XKR4: variants seen among roughly 807,000 people sequenced by gnomAD.
The protein encoded by XKR4 is XK related 4.
XKR4 carries 12 observed loss-of-function variants against 53.9 expected under a neutral mutation model. The ratio of observed to expected loss-of-function variants is 0.22; its 90% CI spans 0.14 to 0.36. The LOEUF is 0.36. Among genes scored for constraint, XKR4 ranks in the 10% least tolerant of loss-of-function variants. The pLI, the probability that XKR4 is intolerant of heterozygous loss-of-function variation, is 1.00. For synonymous variants in XKR4, 354 were observed against 362.4 expected (o/e 0.98, Z 0.26); for missense variants, 799 against 859.5 (o/e 0.93, Z 0.88).
chr8:55,452,846 C>A (rs528724792), intron 2 of XKR4: 47 of 770,170 alleles, frequency 6.1e-5, no homozygotes, highest in South Asian at 4.4e-4. Flanking sequence ...GCTCCTGAAG[C>A]AGGCGGCTCT....
At chr8:55,247,239 G>A (rs540169217) in intron 1 of XKR4, among the ~76,000 whole-genome samples, 122 of 152,330 alleles carry the variant, frequency 8.0e-4, no homozygotes, top group Non-Finnish European at 1.2e-3. Context: ...CAGGAAGACG[G>A]AGAAGCTATG....
intron 2 of XKR4, among the ~76,000 whole-genome samples, chr8:55,392,558 A>G (rs1213141852): frequency 6.6e-6 from 1 of 152,214 alleles, no homozygotes; most frequent in Non-Finnish European, 1.5e-5. Context: ...TGGGAGGCTG[A>G]GGCGGGTAGA....
chr8:55,438,591 A>G (rs1330957221), intron 2 of XKR4, among the ~76,000 whole-genome samples: 1 of 113,728 alleles, frequency 8.8e-6, no homozygotes, highest in Non-Finnish European at 1.9e-5. Flanking sequence ...CTCCATCTTG[A>G]AAAAAAAAAA....
chr8:55,289,851 GGAAAGAAAGAAAGAAAGAAAGAAAGAAA>G (rs541321670), intron 1 of XKR4, among the ~76,000 whole-genome samples: 49,908 of 135,478 alleles, frequency 0.37, 10,177 homozygotes, highest in Non-Finnish European at 0.46. Flanking sequence ...AAAGAAAGAA[GGAAAGAAAGAAAGAAAGAAAGAAAGAAA>G]GAAAGAAAGA....
At chr8:55,309,785 G>A (rs1421445817) in intron 1 of XKR4, among the ~76,000 whole-genome samples, 3 of 152,196 alleles carry the variant, frequency 2.0e-5, no homozygotes, top group African/African-American at 7.2e-5. Context: ...GTAGGAAATT[G>A]TTATCTTGCT....
chr8:55,432,742 C>T (rs1283797173), intron 2 of XKR4, among the ~76,000 whole-genome samples: 1 of 152,008 alleles, frequency 6.6e-6, no homozygotes, highest in African/African-American at 2.4e-5. Context: ...CCTTCCTGAA[C>T]CTTATTTTCA....
At chr8:55,368,269 T>TATCA (rs898639363) in intron 2 of XKR4, among the ~76,000 whole-genome samples, 5 of 152,188 alleles carry the variant, frequency 3.3e-5, no homozygotes, top group African/African-American at 1.2e-4. Flanking sequence ...ATGATCTTTC[T>TATCA]ATCACTTCAC....
chr8:55,523,278 T>C lies in XKR4; in HGVS notation c.1007-3T>C, dbSNP rs1435573143. ...CACACTGTCTTCCTGTTTGCCTTTG[T>C]AGGTTTCACAGCGGCAGCTTCCCTC... On this transcript the variant is annotated splice_region_variant and splice_polypyrimidine_tract_variant and intron_variant, in intron 2 of 2. Coordinates refer to ENST00000327381, the MANE Select transcript of XKR4 (RefSeq NM_052898.2). 7 of 1,591,678 alleles carry C rather than the reference T, an allele frequency of 4.4e-6. No individual in the cohort carries two copies. The East Asian group carries it at 1.3e-4, about 31-fold the overall frequency.
At chr8:55,160,549 G>A (rs969687923) in intron 1 of XKR4, among the ~76,000 whole-genome samples, 20 of 152,192 alleles carry the variant, frequency 1.3e-4, no homozygotes, top group Non-Finnish European at 2.5e-4. Flanking sequence ...AGTAGGCAGG[G>A]TGTTATAATT....
chr8:55,145,357 T>C (rs1297715786), intron 1 of XKR4, among the ~76,000 whole-genome samples: 1 of 152,176 alleles, frequency 6.6e-6, no homozygotes, highest in Admixed American at 6.5e-5. Flanking sequence ...TCAGTATACA[T>C]TGATTTATTC....
At chr8:55,342,134 CAACTCTA>C (rs1005931695) in intron 1 of XKR4, among the ~76,000 whole-genome samples, 5 of 151,864 alleles carry the variant, frequency 3.3e-5, no homozygotes, top group Non-Finnish European at 4.4e-5. Flanking sequence ...CTGTAAATGG[CAACTCTA>C]TCTTTCCAGG....
intron 2 of XKR4, among the ~76,000 whole-genome samples, chr8:55,494,876 A>G (rs1195250833): frequency 9.9e-5 from 15 of 152,130 alleles, no homozygotes. Context: ...GGTCTGCAGG[A>G]CTGACTGCCC....
chr8:55,360,516 C>T (rs558126734), intron 2 of XKR4, among the ~76,000 whole-genome samples: 1 of 152,306 alleles, frequency 6.6e-6, no homozygotes, highest in East Asian at 1.9e-4. Context: ...TTGGGATTTA[C>T]ATGTGAAAAC....
chr8:55,402,551 C>A (rs915606710), intron 2 of XKR4, among the ~76,000 whole-genome samples: 1 of 152,166 alleles, frequency 6.6e-6, no homozygotes, highest in Admixed American at 6.5e-5. Context: ...CCTTCCATAC[C>A]AGAACTGACC....
At chr8:55,121,566 C>T (rs1816391132) in intron 1 of XKR4, among the ~76,000 whole-genome samples, 2 of 152,068 alleles carry the variant, frequency 1.3e-5, no homozygotes, top group African/African-American at 4.8e-5. Flanking sequence ...ATTTAAATTA[C>T]TGTAAAAGAT....
chr8:55,451,399 C>A (rs372403853), intron 2 of XKR4: 3 of 869,308 alleles, frequency 3.5e-6, no homozygotes, highest in Admixed American at 2.2e-5. Flanking sequence ...AAGTGTGTTG[C>A]GTCCGGACGC....
chr8:55,403,814 A>G (rs1488356139), intron 2 of XKR4, among the ~76,000 whole-genome samples: 1 of 152,234 alleles, frequency 6.6e-6, no homozygotes, highest in Non-Finnish European at 1.5e-5. Flanking sequence ...AACATTTTGT[A>G]AGTAACTTTA....
At chr8:55,437,936 G>T (rs1017685603) in intron 2 of XKR4, among the ~76,000 whole-genome samples, 2 of 140,028 alleles carry the variant, frequency 1.4e-5, no homozygotes, top group African/African-American at 5.5e-5. Flanking sequence ...GCCTGTGCAG[G>T]TCCTCCAAAC....
chr8:55,448,243 T>C (rs917501349), intron 2 of XKR4, among the ~76,000 whole-genome samples: 2 of 152,262 alleles, frequency 1.3e-5, no homozygotes, highest in Non-Finnish European at 1.5e-5. Context: ...GTCACTGCTC[T>C]GGAAAAGAGT....
Sources: gnomAD v4.1 joint callset for allele counts (sites outside exome capture counted in the v4.1 genomes callset) on GRCh38, gnomAD v4.1.1 for gene constraint, MANE v1.5 for transcripts, NCBI Gene and HGNC (gene_info 2026-07-23, HGNC 2026-07-21) for gene names.